INVS: variants seen among roughly 807,000 people sequenced by gnomAD.
INVS encodes the protein inversion of embryo turning homolog.
Under a neutral mutation model 108.8 loss-of-function variants are expected in INVS, and 86 were observed. That is an observed-to-expected ratio of 0.79 (90% CI 0.66 to 0.95). The LOEUF is 0.95. INVS is among the 40% of genes least tolerant of loss of function. INVS has a pLI of 0.00. For missense variants in INVS, 1,169 were observed against 1,297.4 expected, an observed-to-expected ratio of 0.90 and a Z score of 1.52; for synonymous variants, 455 against 473.5, an observed-to-expected ratio of 0.96 and a Z score of 0.51.
chr9:100,099,937 GA>G (rs1236305516), intron 1 of INVS, among the ~76,000 whole-genome samples: 1 of 152,126 alleles, frequency 6.6e-6, no homozygotes, highest in East Asian at 1.9e-4. Flanking sequence ...CTGCTGCCTG[GA>G]ATGGCCTTAC....
chr9:100,122,946 T>G (rs921055701), intron 2 of INVS, among the ~76,000 whole-genome samples: 2 of 152,188 alleles, frequency 1.3e-5, no homozygotes, highest in Non-Finnish European at 2.9e-5. Context: ...TTACATTTAA[T>G]GTAATTATGA....
At chr9:100,265,074 C>G in intron 11 of INVS, 146 bp downstream of exon 11, 2 of 668,868 alleles carry the variant, frequency 3.0e-6, no homozygotes, top group Non-Finnish European at 5.4e-6. Context: ...TCCTGAGTAC[C>G]TGGGATTACA....
intron 10 of INVS, among the ~76,000 whole-genome samples, chr9:100,263,903 T>C (rs1832705235): frequency 1.3e-5 from 2 of 152,222 alleles, no homozygotes; most frequent in Admixed American, 1.3e-4. Context: ...GTCTTATATA[T>C]CTTTACTGCT....
chr9:100,289,353 A>C (rs1191312345), intron 13 of INVS, among the ~76,000 whole-genome samples: 1 of 152,224 alleles, frequency 6.6e-6, no homozygotes, highest in Non-Finnish European at 1.5e-5. Flanking sequence ...TCTGCTCACC[A>C]ACCAGTCCAA....
rs12000423 is a variant in INVS, at chr9:100,287,827, G to A, written c.2068+3224G>A. 6.4e-3 allele frequency among the ~76,000 whole-genome samples: 972 copies of A among 152,108 alleles called. 7 individuals carry two copies. Among genetic ancestry groups the A allele is most frequent in the African/African-American group, 0.015 (638 of 41,466 alleles). ...TAGTTCTTTATAGCAGTGTAGGAAC[G>A]GACTAATACATCCCTATCTCAGTAC... On this transcript the variant is annotated intron_variant, in intron 13 of 16. Transcript: ENST00000262457.
intron 5 of INVS, among the ~76,000 whole-genome samples, chr9:100,231,000 A>C (rs531284775): frequency 1.3e-5 from 2 of 152,312 alleles, no homozygotes; most frequent in Admixed American, 6.5e-5. Flanking sequence ...TCTAGGATAT[A>C]TATTTAACTG....
intron 7 of INVS, among the ~76,000 whole-genome samples, chr9:100,245,594 G>A (rs1258740379): frequency 6.6e-6 from 1 of 151,988 alleles, no homozygotes. Flanking sequence ...CCTAATTTTT[G>A]TATGATTCCA....
chr9:100,141,334 G>A (rs1360959347), intron 3 of INVS, among the ~76,000 whole-genome samples: 5 of 152,160 alleles, frequency 3.3e-5, no homozygotes, highest in African/African-American at 4.8e-5. Context: ...GTTGGTGGCT[G>A]AGCTTGGTGA....
At position 100,227,991 on chromosome 9, in the gene INVS, C is replaced by CTTTT. The variant is rs33912012; in HGVS notation, c.448-1655_448-1652dup. 2.9e-4 allele frequency among the ~76,000 whole-genome samples: 39 copies of CTTTT among 133,408 alleles called. 1 individual carries two copies. The highest frequency in any genetic ancestry group is 4.2e-4 in the East Asian group (2 of 4,796). 87.5% of individuals were successfully genotyped at this position (133,408 alleles called of 152,430 possible). ...CAAATAAACATTATTTTCTTTCTTT[C>CTTTT]TTTTTTTTTTTTTTTTTGAGACAGA... On this transcript the variant is annotated intron_variant, in intron 4 of 16. Coordinates refer to ENST00000262457, the MANE Select transcript of INVS (RefSeq NM_014425.5).
chr9:100,100,992 GT>G (rs1175906162), intron 1 of INVS, among the ~76,000 whole-genome samples: 2 of 68,444 alleles, frequency 2.9e-5, no homozygotes, highest in South Asian at 3.3e-4. Context: ...TAATATATAT[GT>G]ATATATAATA....
intron 12 of INVS, among the ~76,000 whole-genome samples, chr9:100,283,450 CAG>C (rs1487120370): frequency 6.6e-6 from 1 of 152,214 alleles, no homozygotes; most frequent in African/African-American, 2.4e-5. Context: ...CAGTGCCCAG[CAG>C]AGAGAGACTC....
At chr9:100,286,630 C>A (rs1301545081) in intron 13 of INVS, among the ~76,000 whole-genome samples, 1 of 152,218 alleles carries the variant, frequency 6.6e-6, no homozygotes, top group African/African-American at 2.4e-5. Flanking sequence ...ATTATATACT[C>A]ATGATGCTTT....
chr9:100,296,131 A>G (rs1219501549), intron 14 of INVS, among the ~76,000 whole-genome samples: 1 of 152,216 alleles, frequency 6.6e-6, no homozygotes, highest in Non-Finnish European at 1.5e-5. Context: ...CTGTAAAATC[A>G]GACATGAAGC....
chr9:100,140,412 C>T (rs1317638842), intron 3 of INVS, among the ~76,000 whole-genome samples: 1 of 151,978 alleles, frequency 6.6e-6, no homozygotes, highest in Non-Finnish European at 1.5e-5. Context: ...AGCTTTTGAG[C>T]CAGGATGAGC....
At chr9:100,125,925 A>ATC (rs1827869706) in intron 2 of INVS, among the ~76,000 whole-genome samples, 1 of 152,098 alleles carries the variant, frequency 6.6e-6, no homozygotes, top group African/African-American at 2.4e-5. Context: ...ACCTCAAGTG[A>ATC]TCTGCCCACC....
At chr9:100,175,693 G>T in intron 3 of INVS, 2 of 635,088 alleles carry the variant, frequency 3.1e-6, no homozygotes. Context: ...CTCCAAGGAT[G>T]CTTGGCGAAC....
chr9:100,144,578 C>G (rs1460823871), intron 3 of INVS, among the ~76,000 whole-genome samples: 2 of 152,130 alleles, frequency 1.3e-5, no homozygotes, highest in Non-Finnish European at 2.9e-5. Context: ...TTAACCTTGA[C>G]TATGCCTTTA....
intron 3 of INVS, among the ~76,000 whole-genome samples, chr9:100,141,639 G>A (rs1221720067): frequency 2.6e-5 from 4 of 152,102 alleles, no homozygotes; most frequent in Admixed American, 2.0e-4. Context: ...TTTCTGACTC[G>A]GGGCACGTGA....
intron 3 of INVS, among the ~76,000 whole-genome samples, chr9:100,156,013 A>C (rs573639286): frequency 2.6e-5 from 4 of 152,288 alleles, no homozygotes; most frequent in Non-Finnish European, 5.9e-5. Flanking sequence ...TCTCAATACC[A>C]CTAAAAGGAA....
Sources: gnomAD v4.1 joint callset for allele counts (sites outside exome capture counted in the v4.1 genomes callset) on GRCh38, gnomAD v4.1.1 for gene constraint, MANE v1.5 for transcripts, NCBI Gene and HGNC (gene_info 2026-07-23, HGNC 2026-07-21) for gene names.